DSCAML1: variants seen among roughly 807,000 people sequenced by gnomAD.
DSCAML1 encodes cell adhesion molecule DSCAML1.
DSCAML1 carries 38 observed loss-of-function variants against 200.5 expected under a neutral mutation model. The observed-to-expected ratio is 0.19, with a 90% CI of 0.15 to 0.25. DSCAML1 has a LOEUF of 0.25. DSCAML1 is among the 10% of genes least tolerant of loss of function. The pLI is 1.00. For missense variants in DSCAML1, 2,223 were observed against 2,858.8 expected, an observed-to-expected ratio of 0.78 and a Z score of 5.07; for synonymous variants, 1,215 against 1,165.0, an observed-to-expected ratio of 1.04 and a Z score of -0.87.
chr11:117,534,644 T>C (rs188693543), intron 3 of DSCAML1, among the ~76,000 whole-genome samples: 483 of 152,336 alleles, frequency 3.2e-3, no homozygotes, highest in African/African-American at 0.01. Flanking sequence ...AGACTGTCAC[T>C]CTGCCACCCA....
chr11:117,644,105 G>A (rs1040312033), intron 3 of DSCAML1, among the ~76,000 whole-genome samples: 1 of 152,200 alleles, frequency 6.6e-6, no homozygotes, highest in Non-Finnish European at 1.5e-5. Context: ...GAAGGGGCCC[G>A]TGATGAAGTC....
chr11:117,748,133 C>A (rs1291301673), intron 3 of DSCAML1, among the ~76,000 whole-genome samples: 1 of 152,152 alleles, frequency 6.6e-6, no homozygotes, highest in African/African-American at 2.4e-5. Flanking sequence ...AATATGGCGG[C>A]AATGATACCA....
chr11:117,510,511 C>G (rs182959397), intron 8 of DSCAML1, among the ~76,000 whole-genome samples: 5 of 152,114 alleles, frequency 3.3e-5, no homozygotes, highest in South Asian at 2.1e-4. Context: ...TTTACACAAC[C>G]CTCTCTTCTC....
chr11:117,445,523 C>A (rs1028472810), intron 20 of DSCAML1, among the ~76,000 whole-genome samples: 10 of 152,224 alleles, frequency 6.6e-5, no homozygotes, highest in African/African-American at 2.4e-4. Context: ...AGTTTCTGGA[C>A]GCTGTTTTCT....
chr11:117,479,904 T>C (rs2048875085), intron 14 of DSCAML1, among the ~76,000 whole-genome samples: 3 of 152,108 alleles, frequency 2.0e-5, no homozygotes. Context: ...CGCGTCAGCC[T>C]GCCAAAGTGT....
At chr11:117,672,102 G>GAAAAACAAAAAAAAAAAAAA (rs2053121453) in intron 3 of DSCAML1, among the ~76,000 whole-genome samples, 1 of 94,508 alleles carries the variant, frequency 1.1e-5, no homozygotes, top group African/African-American at 4.9e-5. Flanking sequence ...CTCCAGCTCA[G>GAAAAACAAAAAAAAAAAAAA]AAAAAAAAAA....
chr11:117,609,469 G>A (rs1267445988), intron 3 of DSCAML1, among the ~76,000 whole-genome samples: 2 of 151,596 alleles, frequency 1.3e-5, no homozygotes, highest in African/African-American at 4.8e-5. Flanking sequence ...CACCAGACCT[G>A]GCTAATTAAA....
Position 117,433,205 on chromosome 11 carries a change from T to A in DSCAML1, c.4959A>T (p.Pro1653=), listed in dbSNP as rs768312631. 6.2e-7 allele frequency: 1 copy of A among 1,614,056 alleles called. No homozygotes were observed. Among genetic ancestry groups the A allele is most frequent in the Non-Finnish European group, 8.5e-7 (1 of 1,179,944 alleles). ...DTPVKGPPQG[P]RLHIDIPRVQ... ...CCCTGGGGATGTCAATGTGTAGCCG[T>A]GGGCCCTGGGGTGGCCCTTTCACAG... Residue 1653 remains proline (P), a synonymous_variant, in exon 29 of 33, where the codon CCA becomes CCT. Coordinates refer to ENST00000651296, the MANE Select transcript of DSCAML1 (RefSeq NM_020693.4).
chr11:117,532,966 A>G lies in DSCAML1; in HGVS notation c.512-444T>C, dbSNP rs1429325228. On this transcript the variant is annotated intron_variant, in intron 3 of 32. Transcript: ENST00000651296. Reference sequence around the variant, plus strand: ...GGCAATATAGGGGGAGACCCTGTCTATTAAAAAAAAAAAAAATTAAACAAT... The same window carrying G: ...GGCAATATAGGGGGAGACCCTGTCTGTTAAAAAAAAAAAAAATTAAACAAT... Among the ~76,000 whole-genome samples the G allele has an allele frequency of 1.1e-4, 16 of 144,292 alleles. No homozygotes were observed. The Admixed American group carries it at 1.1e-3, about 10-fold the overall frequency. The allele number at this position is 144,292 out of a possible 152,430, so 94.7% of individuals were successfully genotyped here.
At chr11:117,779,263 A>T (rs2055188969) in intron 2 of DSCAML1, among the ~76,000 whole-genome samples, 1 of 152,122 alleles carries the variant, frequency 6.6e-6, no homozygotes, top group Non-Finnish European at 1.5e-5. Context: ...CTTTATAATG[A>T]TCCGAGACCC....
intron 3 of DSCAML1, among the ~76,000 whole-genome samples, chr11:117,586,107 CT>C (rs1400111823): frequency 6.6e-6 from 1 of 152,176 alleles, no homozygotes; most frequent in South Asian, 2.1e-4. Context: ...CCAATCCCTC[CT>C]TTTGCAGATC....
At chr11:117,763,889 C>A (rs2054848729) in intron 3 of DSCAML1, among the ~76,000 whole-genome samples, 1 of 152,144 alleles carries the variant, frequency 6.6e-6, no homozygotes. Context: ...CCAAAACAGA[C>A]CCCTTCTCCA....
At chr11:117,628,627 C>T (rs2052105818) in intron 3 of DSCAML1, among the ~76,000 whole-genome samples, 1 of 152,130 alleles carries the variant, frequency 6.6e-6, no homozygotes, top group Admixed American at 6.5e-5. Flanking sequence ...CTATCTGGTC[C>T]CATAGCACTT....
chr11:117,614,420 G>C (rs1466126744), intron 3 of DSCAML1, among the ~76,000 whole-genome samples: 2 of 152,116 alleles, frequency 1.3e-5, no homozygotes, highest in Admixed American at 6.6e-5. Context: ...GCGCAGTGTG[G>C]CCATTTGGAT....
intron 27 of DSCAML1, among the ~76,000 whole-genome samples, 156 bp downstream of exon 27, chr11:117,435,488 T>C (rs1416869178): frequency 6.6e-6 from 1 of 152,230 alleles, no homozygotes; most frequent in African/African-American, 2.4e-5. Flanking sequence ...CCTTCTGAAC[T>C]AAGGAGGTTT....
intron 1 of DSCAML1, among the ~76,000 whole-genome samples, chr11:117,782,826 C>G (rs1447102839): frequency 6.6e-6 from 1 of 152,040 alleles, no homozygotes; most frequent in Non-Finnish European, 1.5e-5. Flanking sequence ...AGAGACAACA[C>G]TAAGAGACAG....
At chr11:117,566,547 GC>G (rs1029043247) in intron 3 of DSCAML1, among the ~76,000 whole-genome samples, 1 of 90,470 alleles carries the variant, frequency 1.1e-5, no homozygotes, top group African/African-American at 3.8e-5. Flanking sequence ...TGTGATTTTT[GC>G]CTTGGTTTTT....
At chr11:117,494,406 G>A (rs1192606955) in intron 11 of DSCAML1, among the ~76,000 whole-genome samples, 2 of 152,214 alleles carry the variant, frequency 1.3e-5, no homozygotes, top group African/African-American at 4.8e-5. Flanking sequence ...CCTGCCCTGA[G>A]ATTTTGTGCA....
In DSCAML1 at chr11:117,634,077, A is replaced by G. The variant is rs79843283; in HGVS notation, c.512-101555T>C. ...GTTTTACACTTGCCTTGAGGAAATCACAGTCTAGCAGGCAAGCGGCAAGTA... is the reference window on the plus strand; with the variant it reads ...GTTTTACACTTGCCTTGAGGAAATCGCAGTCTAGCAGGCAAGCGGCAAGTA... On this transcript the variant is annotated intron_variant, in intron 3 of 32. Coordinates refer to ENST00000651296, the MANE Select transcript of DSCAML1 (RefSeq NM_020693.4). Among the ~76,000 whole-genome samples, 128 of 152,332 alleles carry G rather than the reference A, an allele frequency of 8.4e-4. No homozygotes were observed. The East Asian group carries it at 0.02, about 24-fold the overall frequency.
Sources: allele counts gnomAD v4.1 joint callset (sites outside exome capture counted in the v4.1 genomes callset), GRCh38; gene constraint gnomAD v4.1.1; transcripts MANE v1.5; gene names NCBI Gene and HGNC (gene_info 2026-07-23, HGNC 2026-07-21).